The following DOCK11 variants were observed in gnomAD, a reference collection of about 807,000 sequenced individuals.
The protein encoded by DOCK11 is dedicator of cytokinesis protein 11.
In DOCK11, 70 loss-of-function variants were observed where a neutral mutation model predicts 169.1. The ratio of observed to expected loss-of-function variants is 0.41; its 90% CI spans 0.34 to 0.51. The LOEUF (loss-of-function observed/expected upper bound fraction) is 0.51. DOCK11 is among the 20% of genes least tolerant of loss of function. The probability of loss-of-function intolerance (pLI) is 0.10; values close to 1 mark genes in which losing one functional copy is unlikely to be tolerated. For missense variants in DOCK11, 1,166 were observed against 1,538.8 expected (o/e 0.76, Z 4.05); for synonymous variants, 529 against 541.3 (o/e 0.98, Z 0.32).
intron 4 of DOCK11, among the ~76,000 whole-genome samples, chrX:118,544,798 T>G (rs1300589882): frequency 9.7e-6 from 1 of 103,114 alleles, no homozygotes; most frequent in African/African-American, 3.8e-5. Context: ...GTAGCTGGGC[T>G]TACAGGCACC....
rs185798241 is a variant in DOCK11 at position 118,530,031 on chromosome X, A to G, written c.103-12694A>G. ...AAACAAAGAAATACTGTGATCCAAC[A>G]TATTTCTCATCAAAAGTTGGACCAT... On this transcript the variant is annotated intron_variant, in intron 1 of 52. Coordinates refer to ENST00000276202, the MANE Select transcript of DOCK11 (RefSeq NM_144658.4). Among the ~76,000 whole-genome samples the G allele has an allele frequency of 4.4e-5, 5 of 112,478 alleles. No homozygotes were observed. In the Admixed American group the frequency reaches 4.7e-4, roughly 11 times the overall value.
At chrX:118,544,566 G>A (rs1483146256) in intron 4 of DOCK11, among the ~76,000 whole-genome samples, 2 of 88,695 alleles carry the variant, frequency 2.3e-5, no homozygotes, top group Non-Finnish European at 4.5e-5. Flanking sequence ...AAAAGAAAAA[G>A]AAAAAGAAAA....
rs182527444 is a variant in DOCK11, at chrX:118,660,848, T to G, written c.4970-1838T>G. 5.8e-3 allele frequency among the ~76,000 whole-genome samples: 640 copies of G among 110,862 alleles called. 1 individual carries two copies. Among genetic ancestry groups the G allele is most frequent in the Non-Finnish European group, 6.6e-3 (350 of 52,939 alleles). On this transcript the variant is annotated intron_variant, in intron 44 of 52. Coordinates refer to ENST00000276202, the MANE Select transcript of DOCK11 (RefSeq NM_144658.4). ...GGGTCAAAGTAAATATCACTTTCAT[T>G]CCTGGGGCTCCTTCTTCCTTAATTA...
intron 31 of DOCK11, 129 bp downstream of exon 31, chrX:118,618,857 C>A: frequency 5.6e-6 from 3 of 534,717 alleles, no homozygotes; most frequent in Non-Finnish European, 8.3e-6. Context: ...TGCTTCAAAT[C>A]ATAAGTTGTT....
At chrX:118,672,428 T>C (rs2016498460) in intron 46 of DOCK11, among the ~76,000 whole-genome samples, 1 of 112,472 alleles carries the variant, frequency 8.9e-6, no homozygotes, top group Non-Finnish European at 1.9e-5. Flanking sequence ...TTTTGTTTTT[T>C]ATTTTATTTA....
chrX:118,671,277 T>C, intron 46 of DOCK11, 132 bp downstream of exon 46: 1 of 547,435 alleles, frequency 1.8e-6, no homozygotes, highest in South Asian at 6.9e-5. Context: ...ACATTATGAC[T>C]TTTGCATTTT....
At chrX:118,571,052 A>C (rs2013255769) in intron 10 of DOCK11, among the ~76,000 whole-genome samples, 1 of 111,877 alleles carries the variant, frequency 8.9e-6, no homozygotes, top group East Asian at 2.8e-4. Context: ...AGTGTTGCTC[A>C]GTTTCCTAAG....
chrX:118,593,145 C>T (rs1470895478), intron 19 of DOCK11, 69 bp from the exon 20 acceptor site: 2 of 1,112,392 alleles, frequency 1.8e-6, no homozygotes, highest in Non-Finnish European at 2.4e-6. Context: ...TATGATGAAA[C>T]TGAACTAATG....
chrX:118,683,721 A>G (rs934122855), intron 52 of DOCK11, among the ~76,000 whole-genome samples: 1 of 112,384 alleles, frequency 8.9e-6, no homozygotes, highest in African/African-American at 3.2e-5. Flanking sequence ...TATTCAATGT[A>G]CTGTTATTAC....
At chrX:118,684,949 G>A (rs12843723) in intron 52 of DOCK11, among the ~76,000 whole-genome samples, 16,378 of 111,117 alleles carry the variant, frequency 0.15, 1,001 homozygotes, top group Admixed American at 0.26. Flanking sequence ...TGAAAGCTTG[G>A]GACCTAAGTT....
chrX:118,672,519 A>G (rs972916786), intron 46 of DOCK11, among the ~76,000 whole-genome samples: 26 of 112,477 alleles, frequency 2.3e-4, no homozygotes, highest in South Asian at 1.1e-3. Context: ...TGCAAGCTCC[A>G]CCTCCCGGGT....
rs2015753081 is a variant in DOCK11, at chrX:118,647,747, A to G, written c.4399-1198A>G. On this transcript the variant is annotated intron_variant, in intron 40 of 52. Transcript: ENST00000276202. ...TAATTAATATAATATAATATAATAT[A>G]TAATAATATATAATATATTATAATA... Among the ~76,000 whole-genome samples the G allele has an allele frequency of 7.5e-5, 4 of 53,424 alleles. No individual in the cohort carries two copies. In the South Asian group the frequency reaches 4.4e-3, roughly 59 times the overall value. 46.4% of individuals were successfully genotyped at this position (53,424 alleles called of 115,157 possible). A position where few individuals can be genotyped will look rare whatever the true frequency, so the allele number is the denominator to read the frequency against.
At chrX:118,624,755 T>A (rs1458206692) in intron 32 of DOCK11, 100 bp downstream of exon 32, 8 of 93,593 alleles carry the variant, frequency 8.5e-5, no homozygotes, top group East Asian at 2.2e-4. Context: ...AAGAGTTCAC[T>A]TTTTTTTTTT....
At chrX:118,646,203 C>G (rs2015665788) in intron 40 of DOCK11, among the ~76,000 whole-genome samples, 1 of 111,084 alleles carries the variant, frequency 9.0e-6, no homozygotes, top group South Asian at 3.7e-4. Flanking sequence ...AGTTGGGAAA[C>G]AGTTTGCAGT....
At chrX:118,665,122 C>T (rs759198615) in intron 45 of DOCK11, among the ~76,000 whole-genome samples, 2 of 111,963 alleles carry the variant, frequency 1.8e-5, no homozygotes, top group African/African-American at 6.5e-5. Context: ...CATGCGAAAA[C>T]TTAAAAAGTC....
chrX:118,619,396 C>T (rs1350285386), intron 31 of DOCK11, among the ~76,000 whole-genome samples: 1 of 99,417 alleles, frequency 1.0e-5, no homozygotes, highest in African/African-American at 3.7e-5. Context: ...ATCACTTGAA[C>T]TGGGGAGGCA....
At chrX:118,680,837 C>G (rs905839745) in intron 49 of DOCK11, 145 bp downstream of exon 49, 4 of 582,354 alleles carry the variant, frequency 6.9e-6, no homozygotes, top group African/African-American at 4.6e-5. Flanking sequence ...ACAAGCACGT[C>G]CATGTGATAA....
At chrX:118,510,387 C>T (rs1221082583) in intron 1 of DOCK11, among the ~76,000 whole-genome samples, 1 of 112,510 alleles carries the variant, frequency 8.9e-6, no homozygotes, top group African/African-American at 3.2e-5. Context: ...TTTCAATTGA[C>T]ATGTTTTCTT....
chrX:118,625,574 C>T (rs923357328), intron 32 of DOCK11, among the ~76,000 whole-genome samples: 3 of 112,172 alleles, frequency 2.7e-5, no homozygotes, highest in African/African-American at 3.2e-5. Flanking sequence ...GAGAACACCA[C>T]AAATCCTTTG....
Sources: gnomAD v4.1 joint callset for allele counts (sites outside exome capture counted in the v4.1 genomes callset) on GRCh38, gnomAD v4.1.1 for gene constraint, MANE v1.5 for transcripts, NCBI Gene and HGNC (gene_info 2026-07-23, HGNC 2026-07-21) for gene names.